GLCCI1: variants seen among roughly 807,000 people sequenced by gnomAD.
The protein encoded by GLCCI1 is glucocorticoid-induced transcript 1 protein.
GLCCI1 carries 24 observed loss-of-function variants against 52.2 expected under a neutral mutation model. The ratio of observed to expected loss-of-function variants is 0.46; its 90% CI spans 0.33 to 0.65. The LOEUF (loss-of-function observed/expected upper bound fraction) is 0.65, where lower values mean the gene tolerates loss of function less well. Ranked by LOEUF, GLCCI1 falls within the 30% of genes least tolerant of loss-of-function variation. The pLI, the probability that GLCCI1 is intolerant of heterozygous loss-of-function variation, is 0.02. For missense variants in GLCCI1, 704 were observed against 701.5 expected (o/e 1.00, Z -0.04); for synonymous variants, 310 against 276.5 (o/e 1.12, Z -1.20).
chr7:8,080,783 G>C (rs146706630), intron 6 of GLCCI1, among the ~76,000 whole-genome samples: 1 of 149,886 alleles, frequency 6.7e-6, no homozygotes, highest in African/African-American at 2.4e-5. Flanking sequence ...AATATTCAGC[G>C]CTTACTGTGT....
At chr7:8,061,698 G>A (rs1481368439) in intron 5 of GLCCI1, among the ~76,000 whole-genome samples, 19 of 105,038 alleles carry the variant, frequency 1.8e-4, no homozygotes, top group South Asian at 3.1e-4. Context: ...ACAGGGTCTC[G>A]TTCTGTTGCC....
At chr7:8,044,457 C>T (rs1782076427) in intron 3 of GLCCI1, among the ~76,000 whole-genome samples, 1 of 151,826 alleles carries the variant, frequency 6.6e-6, no homozygotes, top group Admixed American at 6.6e-5. Flanking sequence ...CGGCCTCGAC[C>T]TCCTGGGTTC....
intron 3 of GLCCI1, among the ~76,000 whole-genome samples, chr7:8,023,272 C>T (rs1357720366): frequency 6.6e-6 from 1 of 152,084 alleles, no homozygotes; most frequent in Non-Finnish European, 1.5e-5. Context: ...GCCTTGGCCT[C>T]CCAAAGTGCT....
At chr7:8,011,586 A>G (rs1781262010) in intron 2 of GLCCI1, among the ~76,000 whole-genome samples, 1 of 152,170 alleles carries the variant, frequency 6.6e-6, no homozygotes, top group Non-Finnish European at 1.5e-5. Flanking sequence ...GACAGTTGCA[A>G]ATAATGCTGC....
chr7:8,082,010 T>C (rs1364912206), intron 6 of GLCCI1, among the ~76,000 whole-genome samples: 2 of 152,220 alleles, frequency 1.3e-5, no homozygotes, highest in Non-Finnish European at 2.9e-5. Flanking sequence ...TGATCCTATA[T>C]TATTCTCCGG....
At chr7:8,015,182 C>T (rs1029564732) in intron 2 of GLCCI1, among the ~76,000 whole-genome samples, 1 of 152,202 alleles carries the variant, frequency 6.6e-6, no homozygotes, top group Non-Finnish European at 1.5e-5. Context: ...AAGTACCTAG[C>T]CTTTTCCTCC....
chr7:8,085,128 A>C, intron 7 of GLCCI1, 111 bp downstream of exon 7: 1 of 1,209,090 alleles, frequency 8.3e-7, no homozygotes. Flanking sequence ...AATGTGTTTC[A>C]AGAGCAAATT....
intron 3 of GLCCI1, among the ~76,000 whole-genome samples, chr7:8,043,588 A>G (rs899174525): frequency 6.6e-6 from 1 of 152,240 alleles, no homozygotes; most frequent in Admixed American, 6.5e-5. Flanking sequence ...ATGATTGACA[A>G]TAAATAGAAT....
At chr7:8,070,710 A>AAGGCAAACAATTTGATTT (rs1782742535) in intron 5 of GLCCI1, 1 of 520,006 alleles carries the variant, frequency 1.9e-6, no homozygotes, top group Admixed American at 3.4e-5. Context: ...TGGAATTTTT[A>AAGGCAAACAATTTGATTT]AGGCAAACAA....
At chr7:8,036,948 A>G (rs1781880453) in intron 3 of GLCCI1, among the ~76,000 whole-genome samples, 1 of 152,152 alleles carries the variant, frequency 6.6e-6, no homozygotes. Context: ...CCTGAGGGAG[A>G]AGAAAAAGAA....
chr7:8,037,960 A>G (rs1363469720), intron 3 of GLCCI1, among the ~76,000 whole-genome samples: 1 of 152,218 alleles, frequency 6.6e-6, no homozygotes, highest in Non-Finnish European at 1.5e-5. Flanking sequence ...TCAGCCCCCC[A>G]CTGACAGCAC....
intron 3 of GLCCI1, among the ~76,000 whole-genome samples, chr7:8,036,073 C>A (rs1697066027): frequency 1.3e-5 from 2 of 152,242 alleles, no homozygotes; most frequent in African/African-American, 4.8e-5. Flanking sequence ...CCATCTGCTT[C>A]TGCTGTAGCT....
At chr7:8,005,037 CT>C (rs1235408046) in intron 2 of GLCCI1, among the ~76,000 whole-genome samples, 2 of 152,130 alleles carry the variant, frequency 1.3e-5, no homozygotes, top group African/African-American at 4.8e-5. Flanking sequence ...ATGTTTTATG[CT>C]GCTCTACTCT....
chr7:8,019,529 G>A lies in GLCCI1; in HGVS notation c.610-2954G>A, dbSNP rs113950404. On this transcript the variant is annotated intron_variant, in intron 2 of 7. Transcript: ENST00000223145. The stretch of plus-strand genomic sequence containing the variant: ...CATGATTGAGAGAACTCTTTCAGTC[G>A]TTTTTCTTTTTTTTAAACTACAGTC... 4.0e-3 allele frequency among the ~76,000 whole-genome samples: 604 copies of A among 152,136 alleles called. 4 individuals are homozygous for A. Among genetic ancestry groups the A allele is most frequent in the Middle Eastern group, 0.01 (3 of 294 alleles).
chr7:8,012,545 T>C (rs1004988172), intron 2 of GLCCI1, among the ~76,000 whole-genome samples: 2 of 146,194 alleles, frequency 1.4e-5, no homozygotes, highest in African/African-American at 5.0e-5. Context: ...CCTGGGTTCA[T>C]GCCATTCTCC....
At chr7:8,047,801 C>A (rs970274638) in intron 3 of GLCCI1, among the ~76,000 whole-genome samples, 1 of 152,200 alleles carries the variant, frequency 6.6e-6, no homozygotes, top group African/African-American at 2.4e-5. Flanking sequence ...AGTTCTTCTG[C>A]CCATGATAGA....
chr7:8,012,235 T>A (rs1394295194), intron 2 of GLCCI1, among the ~76,000 whole-genome samples: 1 of 152,166 alleles, frequency 6.6e-6, no homozygotes, highest in Non-Finnish European at 1.5e-5. Context: ...TTAATGATGC[T>A]GAGCATCACT....
intron 3 of GLCCI1, among the ~76,000 whole-genome samples, chr7:8,023,049 T>A (rs1781527078): frequency 6.6e-6 from 1 of 152,230 alleles, no homozygotes. Context: ...GGAGTCTCGC[T>A]CTGTTGCCCA....
At chr7:8,036,300 C>G (rs533671803) in intron 3 of GLCCI1, among the ~76,000 whole-genome samples, 44 of 152,238 alleles carry the variant, frequency 2.9e-4, no homozygotes, top group African/African-American at 1.0e-3. Flanking sequence ...TGTCTGAAAC[C>G]AAGTAACTCA....
Sources: allele counts gnomAD v4.1 joint callset (sites outside exome capture counted in the v4.1 genomes callset), GRCh38; gene constraint gnomAD v4.1.1; transcripts MANE v1.5; gene names NCBI Gene and HGNC (gene_info 2026-07-23, HGNC 2026-07-21).